FARS2: variants seen among roughly 807,000 people sequenced by gnomAD.
The protein encoded by FARS2 is phenylalanyl-tRNA synthetase 2, mitochondrial.
Under a neutral mutation model 46.4 loss-of-function variants are expected in FARS2, and 40 were observed. The ratio of observed to expected loss-of-function variants is 0.86; its 90% CI spans 0.67 to 1.12. FARS2 has a LOEUF of 1.12. Among genes scored for constraint, FARS2 ranks in the 50% most tolerant of loss-of-function variants. The probability of loss-of-function intolerance (pLI) is 0.00; values close to 1 mark genes in which losing one functional copy is unlikely to be tolerated. For missense variants in FARS2, 513 were observed against 567.9 expected, an observed-to-expected ratio of 0.90 and a Z score of 0.98; for synonymous variants, 234 against 214.9, an observed-to-expected ratio of 1.09 and a Z score of -0.78.
chr6:5,338,535 A>G (rs1771324035), intron 1 of FARS2, among the ~76,000 whole-genome samples: 1 of 152,080 alleles, frequency 6.6e-6, no homozygotes, highest in South Asian at 2.1e-4. Flanking sequence ...GACTTTCCTC[A>G]TGCTCTTTCC....
chr6:5,447,240 G>T (rs1222124193), intron 4 of FARS2, among the ~76,000 whole-genome samples: 1 of 152,192 alleles, frequency 6.6e-6, no homozygotes, highest in Non-Finnish European at 1.5e-5. Context: ...GTAGCAGTGG[G>T]CAGAGAGGGG....
At chr6:5,304,483 T>C (rs954515616) in intron 1 of FARS2, among the ~76,000 whole-genome samples, 4 of 152,282 alleles carry the variant, frequency 2.6e-5, no homozygotes, top group Admixed American at 2.6e-4. Flanking sequence ...GGTCAAAGAG[T>C]ATGAACATTT....
rs534397022 is a variant in FARS2 at position 5,485,570 on chromosome 6, G to A, written c.904+54398G>A. ...GAGTATAGCTCTCAGGCCGGGGGCC[G>A]CAGACTTTCTCTGTAAAGAGCCTGA... On this transcript the variant is annotated intron_variant, in intron 4 of 6. Coordinates refer to ENST00000274680, the MANE Select transcript of FARS2 (RefSeq NM_006567.5). 3.9e-5 allele frequency among the ~76,000 whole-genome samples: 6 copies of A among 152,288 alleles called. No homozygotes were observed. In the East Asian group the frequency reaches 5.8e-4, roughly 15 times the overall value.
intron 5 of FARS2, among the ~76,000 whole-genome samples, chr6:5,554,533 C>G (rs1771544081): frequency 6.6e-6 from 1 of 152,126 alleles, no homozygotes; most frequent in Admixed American, 6.6e-5. Context: ...TTCTTAAGGC[C>G]AGGATTGGCT....
intron 4 of FARS2, among the ~76,000 whole-genome samples, chr6:5,540,006 C>A (rs1255865038): frequency 2.6e-5 from 4 of 152,190 alleles, no homozygotes; most frequent in African/African-American, 9.7e-5. Flanking sequence ...GGAGCCTAGA[C>A]TGCCATCATC....
intron 1 of FARS2, among the ~76,000 whole-genome samples, chr6:5,303,300 A>G (rs1393332468): frequency 6.6e-6 from 1 of 152,210 alleles, no homozygotes; most frequent in Non-Finnish European, 1.5e-5. Context: ...ATGAAGGGCA[A>G]GAATGCAAGA....
chr6:5,678,053 G>C (rs1465644328), intron 6 of FARS2, among the ~76,000 whole-genome samples: 1 of 152,168 alleles, frequency 6.6e-6, no homozygotes, highest in Admixed American at 6.5e-5. Flanking sequence ...AAGCCTCCGA[G>C]GCTTTGAGCT....
At chr6:5,276,224 T>A (rs1340319086) in intron 1 of FARS2, among the ~76,000 whole-genome samples, 2 of 152,202 alleles carry the variant, frequency 1.3e-5, no homozygotes, top group African/African-American at 4.8e-5. Context: ...CTGGGAAGAT[T>A]TATTGTGCAT....
intron 4 of FARS2, among the ~76,000 whole-genome samples, chr6:5,522,428 G>A (rs1188623258): frequency 6.6e-6 from 1 of 152,230 alleles, no homozygotes; most frequent in Admixed American, 6.5e-5. Context: ...CATTCTTACT[G>A]GCCCAGATGT....
chr6:5,373,633 C>T (rs1156456809), intron 2 of FARS2, among the ~76,000 whole-genome samples: 13 of 152,098 alleles, frequency 8.5e-5, no homozygotes, highest in Admixed American at 8.5e-4. Flanking sequence ...TAGTGGACTT[C>T]TTTTGTTGAA....
At chr6:5,550,757 T>G (rs1344257380) in intron 5 of FARS2, among the ~76,000 whole-genome samples, 1 of 152,198 alleles carries the variant, frequency 6.6e-6, no homozygotes. Flanking sequence ...GGCTCTCCCA[T>G]TTATATCATA....
chr6:5,724,877 T>C (rs1362163522), intron 6 of FARS2, among the ~76,000 whole-genome samples: 2 of 152,262 alleles, frequency 1.3e-5, no homozygotes, highest in African/African-American at 4.8e-5. Context: ...GAATATATGT[T>C]AGGTCTACTC....
intron 1 of FARS2, among the ~76,000 whole-genome samples, chr6:5,320,186 A>AC (rs1769866503): frequency 6.6e-6 from 1 of 152,166 alleles, no homozygotes; most frequent in Non-Finnish European, 1.5e-5. Flanking sequence ...GTCTGGAGAA[A>AC]CTGTGCATAC....
rs192414904 is a variant in FARS2 at position 5,505,830 on chromosome 6, T to C, written c.905-39350T>C. 1.1e-3 allele frequency among the ~76,000 whole-genome samples: 160 copies of C among 152,286 alleles called. 1 individual carries two copies. Among genetic ancestry groups the C allele is most frequent in the Non-Finnish European group, 1.4e-3 (94 of 68,010 alleles). ...TGTTTGATATCCAGGGTGTGGTTTT[T>C]CCTGAGACTCCCCTTCAGTTCCACC... On this transcript the variant is annotated intron_variant, in intron 4 of 6. Coordinates refer to ENST00000274680, the MANE Select transcript of FARS2 (RefSeq NM_006567.5).
intron 2 of FARS2, among the ~76,000 whole-genome samples, chr6:5,375,501 A>T (rs1322255406): frequency 6.6e-6 from 1 of 152,068 alleles, no homozygotes; most frequent in Admixed American, 6.5e-5. Context: ...TTAATCTACA[A>T]ATCCAGCGCA....
intron 1 of FARS2, among the ~76,000 whole-genome samples, chr6:5,348,121 GT>G (rs1488913506): frequency 6.6e-6 from 1 of 152,102 alleles, no homozygotes; most frequent in Middle Eastern, 3.2e-3. Flanking sequence ...TGGCTTCCCT[GT>G]TCATTTTCCC....
chr6:5,716,130 T>G (rs1452263386), intron 6 of FARS2, among the ~76,000 whole-genome samples: 1 of 152,234 alleles, frequency 6.6e-6, no homozygotes, highest in African/African-American at 2.4e-5. Context: ...TGGGATGTCA[T>G]TTCATCTATA....
At chr6:5,576,634 C>CATATATCATATATATG (rs75665515) in intron 5 of FARS2, among the ~76,000 whole-genome samples, 1 of 145,766 alleles carries the variant, frequency 6.9e-6, no homozygotes, top group Non-Finnish European at 1.5e-5. Context: ...CATATATTAA[C>CATATATCATATATATG]ATATATATAT....
intron 1 of FARS2, among the ~76,000 whole-genome samples, chr6:5,292,063 C>T (rs747763171): frequency 2.0e-5 from 3 of 152,088 alleles, no homozygotes; most frequent in African/African-American, 7.2e-5. Flanking sequence ...AAGGTTTTCT[C>T]GGAGTGGGGG....
Sources: gnomAD v4.1 joint callset for allele counts (sites outside exome capture counted in the v4.1 genomes callset) on GRCh38, gnomAD v4.1.1 for gene constraint, MANE v1.5 for transcripts, NCBI Gene and HGNC (gene_info 2026-07-23, HGNC 2026-07-21) for gene names.